CCDC200: variants seen among roughly 807,000 people sequenced by gnomAD.
The protein encoded by CCDC200 is coiled-coil domain containing 200.
chr17:43,224,719 C>T (rs543029433), intron 1 of CCDC200, 170 bp from the exon 2 acceptor site: 1 of 152,398 alleles, frequency 6.6e-6, no homozygotes, highest in African/African-American at 2.4e-5. Context: ...GCCTCACCCA[C>T]TGTGACACCC....
chr17:43,225,440 G>A (rs1022792390), intron 1 of CCDC200, among the ~76,000 whole-genome samples: 5 of 150,480 alleles, frequency 3.3e-5, no homozygotes, highest in East Asian at 4.0e-4. Flanking sequence ...CGAGGCGGGC[G>A]GATCACGAGG....
intron 1 of CCDC200, among the ~76,000 whole-genome samples, chr17:43,226,518 C>G (rs2057570978): frequency 6.6e-6 from 1 of 152,130 alleles, no homozygotes; most frequent in Non-Finnish European, 1.5e-5. Flanking sequence ...ACTGCAGCCT[C>G]CCGAGTAGCT....
intron 3 of CCDC200, among the ~76,000 whole-genome samples, chr17:43,223,311 G>A (rs1370357705): frequency 3.0e-5 from 4 of 134,812 alleles, no homozygotes. Flanking sequence ...TCCTGCCTCA[G>A]CTTCCCAAGT....
intron 1 of CCDC200, among the ~76,000 whole-genome samples, chr17:43,225,403 G>A (rs929934268): frequency 1.8e-4 from 28 of 151,432 alleles, no homozygotes; most frequent in African/African-American, 5.1e-4. Flanking sequence ...GGTGGCTCAC[G>A]CCTGTCATCC....
At chr17:43,224,700 A>G (rs1372637748) in intron 1 of CCDC200, 151 bp from the exon 2 acceptor site, 2 of 152,230 alleles carry the variant, frequency 1.3e-5, no homozygotes, top group African/African-American at 4.8e-5. Context: ...AATTGGGCCT[A>G]CGCTGTCTGC....
intron 1 of CCDC200, among the ~76,000 whole-genome samples, chr17:43,228,108 C>CAAAAAA: frequency 5.0e-5 from 1 of 20,148 alleles, no homozygotes; most frequent in South Asian, 1.0e-3. Flanking sequence ...AACTCCATCT[C>CAAAAAA]AAAAAAAAAA....
intron 1 of CCDC200, chr17:43,226,072 C>T (rs1447978918): frequency 6.6e-6 from 1 of 152,058 alleles, no homozygotes; most frequent in Non-Finnish European, 1.5e-5. Context: ...GAAATAGGGC[C>T]AGGCACAGTG....
chr17:43,223,484 A>ACACACACACACACACACACACACC (rs1406088311), intron 3 of CCDC200, 72 bp downstream of exon 3: 1 of 141,842 alleles, frequency 7.1e-6, no homozygotes. Flanking sequence ...ACACACTCAC[A>ACACACACACACACACACACACACC]CTCTCTCTCT....
chr17:43,223,060 C>T (rs923921594), intron 3 of CCDC200, among the ~76,000 whole-genome samples: 9 of 151,646 alleles, frequency 5.9e-5, no homozygotes, highest in Admixed American at 2.6e-4. Flanking sequence ...AGCCACCGTG[C>T]CTGGCTACCC....
chr17:43,222,984 G>T (rs1489569762), intron 3 of CCDC200, among the ~76,000 whole-genome samples: 1 of 151,798 alleles, frequency 6.6e-6, no homozygotes, highest in Non-Finnish European at 1.5e-5. Flanking sequence ...GGCCAGGATG[G>T]TCTTGATCTC....
At chr17:43,227,608 C>G (rs1361857500) in intron 1 of CCDC200, among the ~76,000 whole-genome samples, 12 of 151,996 alleles carry the variant, frequency 7.9e-5, no homozygotes, top group African/African-American at 2.9e-4. Flanking sequence ...CCTCAGTCTC[C>G]CCAGGTAGCT....
intron 3 of CCDC200, among the ~76,000 whole-genome samples, chr17:43,222,290 C>T (rs997525364): frequency 3.3e-5 from 5 of 151,470 alleles, no homozygotes; most frequent in South Asian, 2.1e-4. Context: ...CTCAGTCTCC[C>T]GAATAGCTGG....
chr17:43,224,877 T>A (rs919581797), intron 1 of CCDC200: 1 of 152,240 alleles, frequency 6.6e-6, no homozygotes, highest in African/African-American at 2.4e-5. Context: ...TGTGTTTTGT[T>A]TTTTAGAGAT....
intron 1 of CCDC200, 135 bp from the exon 2 acceptor site, chr17:43,224,684 G>A (rs1194668326): frequency 6.6e-6 from 1 of 152,238 alleles, no homozygotes; most frequent in Non-Finnish European, 1.5e-5. Context: ...TAGAGCTGGA[G>A]GCTGAAATTG....
chr17:43,224,157 T>C (rs2057552106), intron 2 of CCDC200, 77 bp downstream of exon 2: 5 of 152,830 alleles, frequency 3.3e-5, no homozygotes, highest in African/African-American at 1.2e-4. Flanking sequence ...AAGGATTTTC[T>C]GCCCACCCTG....
intron 1 of CCDC200, among the ~76,000 whole-genome samples, chr17:43,227,049 G>T (rs1161733218): frequency 2.0e-5 from 3 of 151,914 alleles, no homozygotes; most frequent in African/African-American, 7.3e-5. Context: ...CGCGATCTTG[G>T]CTCACTGCAA....
At chr17:43,227,321 A>G (rs1266410506) in intron 1 of CCDC200, among the ~76,000 whole-genome samples, 2 of 152,032 alleles carry the variant, frequency 1.3e-5, no homozygotes, top group African/African-American at 2.4e-5. Context: ...AAAAAAAATA[A>G]AATAAATAAG....
At chr17:43,225,981 C>G (rs1280960622) in intron 1 of CCDC200, among the ~76,000 whole-genome samples, 1 of 151,910 alleles carries the variant, frequency 6.6e-6, no homozygotes, top group African/African-American at 2.4e-5. Context: ...ATCCACCCGC[C>G]TCGGCCTCCC....
Position 43,225,693 on chromosome 17 carries a change from T to TATATATATATATATATATATATATAA in CCDC200, c.106-1145_106-1144insTTATATATATATATATATATATATAT, listed in dbSNP as rs1282739067. Reference sequence around the variant, plus strand: ...AAAAAAAAAAAAGTATATATATATATTGCATGCTACATGTGTAATTTTAAA... The same window carrying TATATATATATATATATATATATATAA: ...AAAAAAAAAAAAGTATATATATATATATATATATATATATATATATATATAATGCATGCTACATGTGTAATTTTAAA... On this transcript the variant is annotated intron_variant, in intron 1 of 3. Transcript: ENST00000636331. Among the ~76,000 whole-genome samples, 87 of 28,876 alleles carry TATATATATATATATATATATATATAA rather than the reference T, an allele frequency of 3.0e-3. 3 individuals are homozygous for TATATATATATATATATATATATATAA. Among genetic ancestry groups the TATATATATATATATATATATATATAA allele is most frequent in the African/African-American group, 4.1e-3 (87 of 21,102 alleles). 18.9% of individuals were successfully genotyped at this position (28,876 alleles called of 152,430 possible).
Sources: allele counts gnomAD v4.1 joint callset (sites outside exome capture counted in the v4.1 genomes callset), GRCh38; gene constraint gnomAD v4.1.1; transcripts MANE v1.5; gene names NCBI Gene and HGNC (gene_info 2026-07-23, HGNC 2026-07-21).